Variants in CD274 observed in about 807,000 individuals in gnomAD.
CD274 encodes CD274 molecule.
A neutral mutation model predicts 30.1 loss-of-function variants in CD274; 8 were observed. The ratio of observed to expected loss-of-function variants is 0.27; its 90% CI spans 0.16 to 0.48. The LOEUF (loss-of-function observed/expected upper bound fraction) is 0.48. CD274 is among the 20% of genes least tolerant of loss of function. The pLI is 0.99. For missense variants in CD274, 353 were observed against 346.6 expected, an observed-to-expected ratio of 1.02 and a Z score of -0.15; for synonymous variants, 152 against 124.6, an observed-to-expected ratio of 1.22 and a Z score of -1.46.
chr9:5,454,261 TA>T (rs1037071720), intron 1 of CD274, among the ~76,000 whole-genome samples: 1 of 152,148 alleles, frequency 6.6e-6, no homozygotes, highest in Non-Finnish European at 1.5e-5. Flanking sequence ...AAAAAATCCA[TA>T]ATCTCATCTC....
intron 1 of CD274, among the ~76,000 whole-genome samples, chr9:5,450,939 G>A (rs1250318552): frequency 6.6e-6 from 1 of 152,188 alleles, no homozygotes; most frequent in Admixed American, 6.5e-5. Context: ...CTGGACACGG[G>A]TCCAAGTCCA....
intron 3 of CD274, 129 bp downstream of exon 3, chr9:5,457,549 C>T: frequency 1.4e-6 from 1 of 712,136 alleles, no homozygotes; most frequent in Non-Finnish European, 2.3e-6. Context: ...TTCATTCATT[C>T]AATTCATGAA....
intron 4 of CD274, 28 bp downstream of exon 4, chr9:5,463,149 T>G: frequency 6.3e-7 from 1 of 1,581,206 alleles, no homozygotes; most frequent in South Asian, 1.1e-5. Flanking sequence ...TCCATTAAAA[T>G]ATGTCTAACA....
At chr9:5,466,715 G>T in intron 5 of CD274, 55 bp from the exon 6 acceptor site, 3 of 1,321,572 alleles carry the variant, frequency 2.3e-6, no homozygotes, top group African/African-American at 1.5e-5. Flanking sequence ...TTGGGTCACT[G>T]TATGGGATGT....
rs1164650352 is a variant in CD274 at position 5,468,579 on chromosome 9, G to T, written c.*717G>T. ...CCTTTATTTAACCCATTAATACTCTGGTTGACCTAATCTTATTCTCAGACC... is the reference window on the plus strand; with the variant it reads ...CCTTTATTTAACCCATTAATACTCTTGTTGACCTAATCTTATTCTCAGACC... On this transcript the variant is annotated 3_prime_UTR_variant, in exon 7 of 7. Coordinates refer to ENST00000381577, the MANE Select transcript of CD274 (RefSeq NM_014143.4). 4.3e-6 allele frequency: 1 copy of T among 232,836 alleles called. No homozygotes were observed. The highest frequency in any genetic ancestry group is 8.5e-6 in the Non-Finnish European group (1 of 117,894). 14.4% of individuals were successfully genotyped at this position (232,836 alleles called of 1,614,324 possible).
At position 5,454,554 on chromosome 9, in the gene CD274, GT is replaced by G. The variant is rs142782181; in HGVS notation, c.-14-1543del. ...ATATTTTGTGAATATACCAAAATTT[GT>G]TTAACCACTTAGACAATCTAGGATA... On this transcript the variant is annotated intron_variant, in intron 1 of 6. Transcript: ENST00000381577. Among the ~76,000 whole-genome samples, 1,407 of 152,014 alleles carry G rather than the reference GT, an allele frequency of 9.3e-3. 12 individuals are homozygous for G. Among genetic ancestry groups the G allele is most frequent in the Non-Finnish European group, 0.014 (945 of 67,972 alleles).
At position 5,463,021 on chromosome 9, in the gene CD274, C is replaced by T. The variant is rs908013496; in HGVS notation, c.582C>T (p.Thr194=). ...GAGAGGAGAAGCTTTTCAATGTGAC[C>T]AGCACACTGAGAATCAACACAACAA... The part of the protein sequence containing the change: ...SKREEKLFNV[T]STLRINTTTN... The change falls in exon 4 of 7, where the codon ACC becomes ACT. Residue 194 remains threonine (T), a synonymous_variant. Transcript: ENST00000381577. 3 of 1,613,284 alleles carry T rather than the reference C, an allele frequency of 1.9e-6. No homozygotes were observed. Among genetic ancestry groups the T allele is most frequent in the African/African-American group, 2.7e-5 (2 of 74,868 alleles).
intron 3 of CD274, among the ~76,000 whole-genome samples, chr9:5,460,595 C>G (rs1376192261): frequency 6.6e-6 from 1 of 152,096 alleles, no homozygotes; most frequent in Non-Finnish European, 1.5e-5. Flanking sequence ...TTCACCCAGC[C>G]TAGAAAATGA....
chr9:5,465,079 T>A (rs1819473761), intron 4 of CD274, among the ~76,000 whole-genome samples: 1 of 136,288 alleles, frequency 7.3e-6, no homozygotes, highest in African/African-American at 2.7e-5. Context: ...AGAGAAAGAC[T>A]CTGCCTCAAA....
rs988832982 is a variant in CD274 at position 5,456,099 on chromosome 9, G to A, written c.-14-1G>A. ...CTTCTTTTCGTGTTTTCCATAATTA[G>A]GGCATTCCAGAAAGATGAGGATATT... On this transcript the variant is annotated splice_acceptor_variant, in intron 1 of 6. Coordinates refer to ENST00000381577, the MANE Select transcript of CD274 (RefSeq NM_014143.4). LOFTEE classifies it low-confidence loss of function (5UTR_SPLICE). 2.5e-6 allele frequency: 4 copies of A among 1,580,460 alleles called. No homozygotes were observed. The East Asian group carries it at 9.0e-5, about 35-fold the overall frequency.
rs762400791 is a variant in CD274 at position 5,462,816 on chromosome 9, T to C, written c.395-18T>C. 1 of 1,604,696 alleles carries C rather than the reference T, an allele frequency of 6.2e-7. No individual in the cohort carries two copies. Among genetic ancestry groups the C allele is most frequent in the East Asian group, 2.2e-5 (1 of 44,708 alleles). On this transcript the variant is annotated intron_variant, in intron 3 of 6. Coordinates refer to ENST00000381577, the MANE Select transcript of CD274 (RefSeq NM_014143.4). ...TGTGCTCAGCAAAAGCCCTGACTTC[T>C]TTTTGTTTATGTCCTAGCCCCATAC... is the stretch of plus-strand genomic sequence containing the variant.
At chr9:5,456,842 G>A (rs1176875568) in intron 2 of CD274, among the ~76,000 whole-genome samples, 1 of 152,182 alleles carries the variant, frequency 6.6e-6, no homozygotes, top group Non-Finnish European at 1.5e-5. Context: ...TATAAATTGT[G>A]GGGGCAACTT....
intron 1 of CD274, among the ~76,000 whole-genome samples, chr9:5,453,968 T>C (rs1433927836): frequency 6.6e-6 from 1 of 152,252 alleles, no homozygotes; most frequent in Non-Finnish European, 1.5e-5. Flanking sequence ...GTGAGAGTGA[T>C]GAAATAGTAG....
intron 1 of CD274, among the ~76,000 whole-genome samples, chr9:5,454,130 G>A (rs1819258533): frequency 6.6e-6 from 1 of 151,910 alleles, no homozygotes; most frequent in Non-Finnish European, 1.5e-5. Context: ...ATATCACTTG[G>A]TCTGCTAAAC....
chr9:5,457,912 T>G (rs1372373204), intron 3 of CD274, among the ~76,000 whole-genome samples: 1 of 152,164 alleles, frequency 6.6e-6, no homozygotes, highest in African/African-American at 2.4e-5. Context: ...CTATATCAAA[T>G]GCAAATAAAT....
Position 5,462,828 on chromosome 9 carries a change from T to A in CD274, c.395-6T>A, listed in dbSNP as rs528462874. 6.2e-6 allele frequency: 10 copies of A among 1,612,280 alleles called. No individual in the cohort carries two copies. The highest frequency in any genetic ancestry group is 4.0e-5 in the African/African-American group (3 of 74,874). On this transcript the variant is annotated splice_region_variant and splice_polypyrimidine_tract_variant and intron_variant, in intron 3 of 6. Transcript: ENST00000381577. ...AAGCCCTGACTTCTTTTTGTTTATG[T>A]CCTAGCCCCATACAACAAAATCAAC...
intron 1 of CD274, among the ~76,000 whole-genome samples, chr9:5,453,844 G>A (rs1488305793): frequency 2.0e-5 from 3 of 152,172 alleles, no homozygotes; most frequent in Non-Finnish European, 4.4e-5. Context: ...GTGCACTGCA[G>A]GGTGTTTGGC....
Position 5,457,291 on chromosome 9 carries a change from A to C in CD274, c.265A>C (p.Lys89Gln). The C allele has an allele frequency of 6.2e-7, 1 of 1,614,074 alleles. No individual in the cohort carries two copies. The highest frequency in any genetic ancestry group is 8.5e-7 in the Non-Finnish European group (1 of 1,180,004). The change falls in exon 3 of 7, where the codon AAG becomes CAG. Residue 89 changes from lysine (K) to glutamine (Q), a missense_variant. Transcript: ENST00000381577. ...SSYRQRARLLKDQLSLGNAAL... is the reference protein window; with the variant it reads ...SSYRQRARLLQDQLSLGNAAL... Reference sequence around the variant, plus strand: ...CTACAGACAGAGGGCCCGGCTGTTGAAGGACCAGCTCTCCCTGGGAAATGC... The same window carrying C: ...CTACAGACAGAGGGCCCGGCTGTTGCAGGACCAGCTCTCCCTGGGAAATGC...
In CD274 at chr9:5,464,792, A is replaced by G. The variant is rs150563524; in HGVS notation, c.683-707A>G. 8.2e-3 allele frequency among the ~76,000 whole-genome samples: 1,249 copies of G among 152,282 alleles called. 24 individuals carry two copies. The highest frequency in any genetic ancestry group is 0.029 in the African/African-American group (1,188 of 41,534). On this transcript the variant is annotated intron_variant, in intron 4 of 6. Transcript: ENST00000381577. ...TGTAGGCTACTAGCTTCTATATTAA[A>G]GAATGCAAGAGGGGCCAGGAGCGGA...
Sources: allele counts gnomAD v4.1 joint callset (sites outside exome capture counted in the v4.1 genomes callset), GRCh38; gene constraint gnomAD v4.1.1; transcripts MANE v1.5; gene names NCBI Gene and HGNC (gene_info 2026-07-23, HGNC 2026-07-21).